Variants in EPHA3 observed in about 807,000 individuals in gnomAD.
EPHA3 encodes ephrin type-A receptor 3.
Under a neutral mutation model 107.1 loss-of-function variants are expected in EPHA3, and 42 were observed. The observed-to-expected ratio is 0.39, with a 90% CI of 0.31 to 0.51. EPHA3 has a LOEUF of 0.51. Ranked by LOEUF, EPHA3 falls within the 20% of genes least tolerant of loss-of-function variation. The pLI is 0.78. For missense variants in EPHA3, 1,183 were observed against 1,211.2 expected, an observed-to-expected ratio of 0.98 and a Z score of 0.35; for synonymous variants, 461 against 424.8, an observed-to-expected ratio of 1.09 and a Z score of -1.05.
intron 3 of EPHA3, among the ~76,000 whole-genome samples, chr3:89,326,909 CCTA>C: frequency 6.6e-6 from 1 of 152,046 alleles, no homozygotes. Flanking sequence ...GGAAATTAGA[CCTA>C]CTAAGATATA....
chr3:89,323,342 C>T (rs527443166), intron 3 of EPHA3, among the ~76,000 whole-genome samples: 2 of 152,104 alleles, frequency 1.3e-5, no homozygotes, highest in East Asian at 1.9e-4. Context: ...CAAACTAAAG[C>T]GTGAGGAGGC....
At chr3:89,405,440 T>C (rs1709037207) in intron 7 of EPHA3, among the ~76,000 whole-genome samples, 1 of 152,184 alleles carries the variant, frequency 6.6e-6, no homozygotes, top group Admixed American at 6.5e-5. Flanking sequence ...CTCCTGTGAC[T>C]GCCATAGAGG....
intron 2 of EPHA3, among the ~76,000 whole-genome samples, chr3:89,133,721 C>T (rs1355079540): frequency 2.6e-5 from 4 of 152,106 alleles, no homozygotes; most frequent in African/African-American, 7.2e-5. Flanking sequence ...TGACCAATGC[C>T]GGCTGCAGGA....
In EPHA3 at chr3:89,170,940, A is replaced by ATTT. The variant is rs35361512; in HGVS notation, c.154-38908_154-38906dup. On this transcript the variant is annotated intron_variant, in intron 2 of 16. Coordinates refer to ENST00000336596, the MANE Select transcript of EPHA3 (RefSeq NM_005233.6). ...GAGCATATGCTAACTCTTTAAAACC[A>ATTT]TTTTTTTTTTTTTTAAGAATTGAAT... Among the ~76,000 whole-genome samples the ATTT allele has an allele frequency of 8.1e-3, 1,189 of 147,044 alleles. 5 individuals are homozygous for ATTT. The highest frequency in any genetic ancestry group is 0.017 in the African/African-American group (690 of 40,002).
chr3:89,476,583 A>ATTT (rs1559710389), intron 16 of EPHA3, among the ~76,000 whole-genome samples: 1 of 130,828 alleles, frequency 7.6e-6, no homozygotes, highest in Non-Finnish European at 1.7e-5. Context: ...GACTATTATT[A>ATTT]TTTTTATTTA....
intron 16 of EPHA3, among the ~76,000 whole-genome samples, chr3:89,477,223 G>T (rs868395983): frequency 2.0e-5 from 3 of 152,120 alleles, no homozygotes; most frequent in Non-Finnish European, 4.4e-5. Context: ...TCCATCATCC[G>T]CAGTACACTA....
chr3:89,340,824 A>G (rs576097547), intron 3 of EPHA3, 92 bp from the exon 4 acceptor site: 1 of 1,283,310 alleles, frequency 7.8e-7, no homozygotes, highest in African/African-American at 1.5e-5. Flanking sequence ...TTTTATTTAT[A>G]ATAAATTCAT....
At position 89,303,623 on chromosome 3, in the gene EPHA3, T is replaced by A. The variant is rs180781837; in HGVS notation, c.815-37293T>A. 1.6e-3 allele frequency among the ~76,000 whole-genome samples: 246 copies of A among 152,260 alleles called. 2 individuals carry two copies. The highest frequency in any genetic ancestry group is 5.6e-3 in the African/African-American group (231 of 41,572). On this transcript the variant is annotated intron_variant, in intron 3 of 16. Coordinates refer to ENST00000336596, the MANE Select transcript of EPHA3 (RefSeq NM_005233.6). ...ATACAAAAATATGAAAGAGGCAATT[T>A]AGTCCACATTAAAAAATTGATTTTT...
At chr3:89,339,212 A>C (rs1707460489) in intron 3 of EPHA3, among the ~76,000 whole-genome samples, 1 of 151,908 alleles carries the variant, frequency 6.6e-6, no homozygotes, top group African/African-American at 2.4e-5. Context: ...CTCTACTAAA[A>C]ATACAAAAAT....
chr3:89,219,862 C>CCA (rs1363324672), intron 3 of EPHA3, among the ~76,000 whole-genome samples: 1 of 147,608 alleles, frequency 6.8e-6, no homozygotes, highest in East Asian at 2.0e-4. Context: ...GCGCCCGCCA[C>CCA]TACGCCCGGC....
intron 13 of EPHA3, among the ~76,000 whole-genome samples, chr3:89,442,183 A>C (rs942642476): frequency 6.6e-6 from 1 of 152,188 alleles, no homozygotes; most frequent in Non-Finnish European, 1.5e-5. Flanking sequence ...AGAAGAAAGG[A>C]GAAAATAAAA....
chr3:89,278,500 C>T (rs536971904), intron 3 of EPHA3, among the ~76,000 whole-genome samples: 2 of 152,150 alleles, frequency 1.3e-5, no homozygotes, highest in Admixed American at 1.3e-4. Flanking sequence ...TTTCATGGGG[C>T]GAATGGAATG....
chr3:89,210,380 A>G lies in EPHA3; in HGVS notation c.674A>G (p.Glu225Gly). ...TVPMDSQSLV[E>G]VRGSCVNNSK... ...CCCATGGACTCCCAGTCCCTGGTGG[A>G]GGTTAGAGGGTCTTGTGTCAACAAT... Residue 225 changes from glutamate to glycine, a missense_variant, in exon 3 of 17, where the codon GAG becomes GGG. By Grantham distance (98) the Glu-to-Gly change is moderately conservative. Transcript: ENST00000336596. The G allele has an allele frequency of 6.2e-7, 1 of 1,613,820 alleles. No individual in the cohort carries two copies. The highest frequency in any genetic ancestry group is 8.5e-7 in the Non-Finnish European group (1 of 1,179,898).
chr3:89,379,007 A>G (rs1708452316), intron 5 of EPHA3, among the ~76,000 whole-genome samples: 1 of 152,174 alleles, frequency 6.6e-6, no homozygotes, highest in Non-Finnish European at 1.5e-5. Context: ...CTGAAAAGTT[A>G]CTTGACAAAA....
chr3:89,479,992 C>A lies in EPHA3; in HGVS notation c.*490C>A, dbSNP rs1710592690. ...CAAACTATCTGGCCATATTTACTAC[C>A]TTATCACTGCATTATTCTCTTTTAT... On this transcript the variant is annotated 3_prime_UTR_variant, in exon 17 of 17. Coordinates refer to ENST00000336596, the MANE Select transcript of EPHA3 (RefSeq NM_005233.6). 1.7e-5 allele frequency: 4 copies of A among 234,612 alleles called. No individual in the cohort carries two copies. The highest frequency in any genetic ancestry group is 3.4e-5 in the Non-Finnish European group (4 of 118,836). The allele number at this position is 234,612 out of a possible 1,614,324, so 14.5% of individuals were successfully genotyped here.
intron 2 of EPHA3, among the ~76,000 whole-genome samples, chr3:89,191,818 G>A (rs1315178521): frequency 6.6e-6 from 1 of 152,064 alleles, no homozygotes; most frequent in Non-Finnish European, 1.5e-5. Context: ...CATCAGACCG[G>A]TCCAGAAATG....
intron 1 of EPHA3, among the ~76,000 whole-genome samples, chr3:89,126,664 T>A (rs1704103448): frequency 6.6e-6 from 1 of 151,622 alleles, no homozygotes; most frequent in Non-Finnish European, 1.5e-5. Context: ...GCTTTTTGTG[T>A]GTTACATATA....
chr3:89,447,151 G>A (rs1364235104), intron 13 of EPHA3, among the ~76,000 whole-genome samples: 4 of 152,124 alleles, frequency 2.6e-5, no homozygotes, highest in Non-Finnish European at 4.4e-5. Flanking sequence ...GTAGATGAGT[G>A]CTTTGGGAGT....
chr3:89,356,393 C>T (rs547065787), intron 5 of EPHA3, among the ~76,000 whole-genome samples: 15 of 150,982 alleles, frequency 9.9e-5, no homozygotes, highest in African/African-American at 3.4e-4. Flanking sequence ...GTTCTAGATC[C>T]CTGAAGAATC....
Sources: allele counts gnomAD v4.1 joint callset (sites outside exome capture counted in the v4.1 genomes callset), GRCh38; gene constraint gnomAD v4.1.1; transcripts MANE v1.5; gene names NCBI Gene and HGNC (gene_info 2026-07-23, HGNC 2026-07-21).